PPL: variants seen among roughly 807,000 people sequenced by gnomAD.
PPL encodes 190 kDa paraneoplastic pemphigus antigen.
In PPL, 198 loss-of-function variants were observed where a neutral mutation model predicts 194.4. The observed-to-expected ratio is 1.02, with a 90% CI of 0.91 to 1.15. PPL has a LOEUF of 1.15. Among genes scored for constraint, PPL ranks in the 50% most tolerant of loss-of-function variants. The pLI, the probability that PPL is intolerant of heterozygous loss-of-function variation, is 0.00. For synonymous variants in PPL, 1,220 were observed against 972.4 expected (o/e 1.25, Z -4.74); for missense variants, 2,885 against 2,294.8 (o/e 1.26, Z -5.25).
At position 4,884,967 on chromosome 16, in the gene PPL, CTT is replaced by C; in HGVS notation, c.3686_3687del (p.Lys1229ArgfsTer4). ...LRRRGPQVEVKEVTKEVIKYK... is the reference protein window; with the variant it reads ...LRRRGPQVEVXEVTKEVIKYK... The stretch of plus-strand genomic sequence containing the variant: ...TACTTAATGACTTCCTTAGTCACCT[CTT>C]TGACTTCCACCTGGGGGCCTCGCCT... On this transcript the variant is annotated frameshift_variant, in exon 22 of 22. Coordinates refer to ENST00000345988, the MANE Select transcript of PPL (RefSeq NM_002705.5). LOFTEE classifies it high-confidence loss of function. The surrounding 1 kb of genome is among the most constrained non-coding windows in gnomAD (Gnocchi z 5.7). 1 of 1,614,158 alleles carries C rather than the reference CTT, an allele frequency of 6.2e-7. No homozygotes were observed. The highest frequency in any genetic ancestry group is 1.1e-5 in the South Asian group (1 of 91,088).
intron 1 of PPL, among the ~76,000 whole-genome samples, chr16:4,919,516 G>A (rs1945301818): frequency 6.6e-6 from 1 of 152,006 alleles, no homozygotes; most frequent in African/African-American, 2.4e-5. Context: ...CTCCCATCTC[G>A]GCCTCCCAAA....
Position 4,894,610 on chromosome 16 carries a change from G to T in PPL, c.1251C>A (p.Ile417=), listed in dbSNP as rs909512756. 1.2e-6 allele frequency: 2 copies of T among 1,613,158 alleles called. No homozygotes were observed. The highest frequency in any genetic ancestry group is 1.7e-6 in the Non-Finnish European group (2 of 1,179,852). The change falls in exon 12 of 22, where the codon ATC becomes ATA. Residue 417 remains isoleucine, a synonymous_variant. Transcript: ENST00000345988. The part of the protein sequence containing the change: ...LCDFEGEQGL[I]SRGYSYTLQK... Reference sequence around the variant, plus strand: ...GCAGGGTGTAGCTGTAGCCCCGCGAGATCAGGCCCTGGCGGGGGCAGGCTG... The same window carrying T: ...GCAGGGTGTAGCTGTAGCCCCGCGATATCAGGCCCTGGCGGGGGCAGGCTG...
At chr16:4,894,670 G>A in intron 11 of PPL, 52 bp from the exon 12 acceptor site, 1 of 1,586,356 alleles carries the variant, frequency 6.3e-7, no homozygotes. Context: ...TGAGGGCCTG[G>A]GAGCCCGGTT....
At position 4,883,463 on chromosome 16, in the gene PPL, G is replaced by A; in HGVS notation, c.5192C>T (p.Thr1731Ile). 1 of 1,614,152 alleles carries A rather than the reference G, an allele frequency of 6.2e-7. No homozygotes were observed. The highest frequency in any genetic ancestry group is 8.5e-7 in the Non-Finnish European group (1 of 1,180,030). The change falls in exon 22 of 22, where the codon ACC becomes ATC. Residue 1731 changes from threonine to isoleucine, a missense_variant. Transcript: ENST00000345988. This position sits in a 1 kb window ranked among gnomAD's most constrained non-coding sequence, Gnocchi z 4.8. ...IEEALQSGRL[T>I]PAQYDRYVNK... ...GACATAGCGGTCATACTGAGCAGGGGTCAGCCTGCCACTCTGCAGGGCCTC... is the reference window on the plus strand; with the variant it reads ...GACATAGCGGTCATACTGAGCAGGGATCAGCCTGCCACTCTGCAGGGCCTC...
At chr16:4,891,168 C>T (rs1336744870) in intron 16 of PPL, among the ~76,000 whole-genome samples, 1 of 152,216 alleles carries the variant, frequency 6.6e-6, no homozygotes, top group Non-Finnish European at 1.5e-5. Context: ...TCGTGCCCTG[C>T]GCGAGAACAG....
intron 6 of PPL, 125 bp from the exon 7 acceptor site, chr16:4,899,509 G>A (rs1035109946): frequency 7.7e-7 from 1 of 1,293,814 alleles, no homozygotes; most frequent in Non-Finnish European, 1.0e-6. Flanking sequence ...TGGGTGGCCT[G>A]AGGACAAGCC....
chr16:4,887,263 C>G (rs767955404), intron 20 of PPL, 36 bp from the exon 21 acceptor site: 1 of 1,453,018 alleles, frequency 6.9e-7, no homozygotes, highest in Non-Finnish European at 9.7e-7. Context: ...GGTCAACAAA[C>G]AGGTGTCAAC....
Position 4,894,422 on chromosome 16 carries a change from G to A in PPL, c.1394+45C>T, listed in dbSNP as rs913927781. 4.4e-6 allele frequency: 7 copies of A among 1,600,644 alleles called. No individual in the cohort carries two copies. The African/African-American group carries it at 8.0e-5, about 18-fold the overall frequency. ...CTATGAATGGGGCCTGAGAAGCCCT[G>A]GGGGTGGGACTGGTCCATGCAGACT... On this transcript the variant is annotated intron_variant, in intron 12 of 21. Coordinates refer to ENST00000345988, the MANE Select transcript of PPL (RefSeq NM_002705.5).
At chr16:4,922,683 A>G (rs572716155) in intron 1 of PPL, among the ~76,000 whole-genome samples, 2 of 151,888 alleles carry the variant, frequency 1.3e-5, no homozygotes, top group African/African-American at 2.4e-5. Flanking sequence ...AAACAAAAAA[A>G]CCCTAGAAAC....
intron 8 of PPL, among the ~76,000 whole-genome samples, chr16:4,898,565 A>G (rs1376627629): frequency 1.3e-5 from 2 of 152,260 alleles, no homozygotes; most frequent in East Asian, 3.9e-4. Flanking sequence ...AGACGGAGGA[A>G]GGGACTGGAA....
At position 4,902,421 on chromosome 16, in the gene PPL, C is replaced by T. The variant is rs1344684138; in HGVS notation, c.423G>A (p.Leu141=). The change falls in exon 4 of 22, where the codon CTG becomes CTA. Residue 141 remains leucine (L), a synonymous_variant. Transcript: ENST00000345988. The surrounding 1 kb of genome is among the most constrained non-coding windows in gnomAD (Gnocchi z 4.0). The stretch of plus-strand genomic sequence containing the variant: ...CAGGCCATACCAGCTTCTCCTCCAC[C>T]AGTGCCGCCCAGTTGACCTGTGGAT... ...EVDPQVNWAA[L]VEEKLDKLNN... is the part of the protein sequence containing the mutation. 6.2e-7 allele frequency: 1 copy of T among 1,613,978 alleles called. No homozygotes were observed. The highest frequency in any genetic ancestry group is 1.1e-5 in the South Asian group (1 of 91,000).
rs551957279 is a variant in PPL, at chr16:4,886,011, T to A, written c.2644A>T (p.Arg882Trp). The change falls in exon 22 of 22, where the codon AGG becomes TGG. Residue 882 changes from arginine to tryptophan, a missense_variant. Transcript: ENST00000345988. ...EVEVTHETLQ[R>W]NRPDSGVEEA... ...TCCACTCCAGAGTCCGGCCTATTCC[T>A]TTGCAGGGTCTCATGGGTCACTTCT... The A allele has an allele frequency of 4.3e-5, 69 of 1,613,964 alleles. No homozygotes were observed. The East Asian group carries it at 1.5e-3, about 35-fold the overall frequency.
chr16:4,922,827 G>C (rs1265905775), intron 1 of PPL, among the ~76,000 whole-genome samples: 2 of 152,194 alleles, frequency 1.3e-5, no homozygotes, highest in African/African-American at 2.4e-5. Context: ...TCTGCCCTGT[G>C]AATGTTGCCT....
Position 4,885,493 on chromosome 16 carries a change from C to T in PPL, c.3162G>A (p.Glu1054=). The part of the protein sequence containing the change: ...EKSRAQEKVT[E]KEVVKLQNDP... ...CATTCTGCAGTTTCACCACCTCTTT[C>T]TCTGTGACCTTCTCCTGCGCCCGGC... Residue 1054 remains glutamate, a synonymous_variant, in exon 22 of 22, where the codon GAG becomes GAA. Coordinates refer to ENST00000345988, the MANE Select transcript of PPL (RefSeq NM_002705.5). This position sits in a 1 kb window ranked among gnomAD's most constrained non-coding sequence, Gnocchi z 6.3. The T allele has an allele frequency of 6.2e-7, 1 of 1,612,196 alleles. No individual in the cohort carries two copies.
intron 1 of PPL, among the ~76,000 whole-genome samples, chr16:4,913,138 G>C (rs2088853332): frequency 6.6e-6 from 1 of 151,706 alleles, no homozygotes; most frequent in Non-Finnish European, 1.5e-5. Flanking sequence ...AAAAAGTCTT[G>C]AAAGCAGACT....
intron 6 of PPL, 60 bp downstream of exon 6, chr16:4,900,770 A>T: frequency 1.2e-6 from 2 of 1,607,520 alleles, no homozygotes; most frequent in Non-Finnish European, 1.7e-6. Flanking sequence ...TGTCCCCCCG[A>T]CTCCAAGCTT....
chr16:4,883,630 G>GT lies in PPL; in HGVS notation c.5024dup (p.His1675GlnfsTer7). The GT allele has an allele frequency of 6.2e-7, 1 of 1,614,184 alleles. No homozygotes were observed. Among genetic ancestry groups the GT allele is most frequent in the East Asian group, 2.2e-5 (1 of 44,882 alleles). On this transcript the variant is annotated frameshift_variant, in exon 22 of 22. Transcript: ENST00000345988. LOFTEE classifies it high-confidence loss of function. The surrounding 1 kb of genome is among the most constrained non-coding windows in gnomAD (Gnocchi z 4.8). Reference sequence around the variant, plus strand: ...TGTTCCAGTCAATGAGCCCGGCACGGTGGGCTTCCTCCGGGGACAGCTCGC... The same window carrying GT: ...TGTTCCAGTCAATGAGCCCGGCACGGTTGGGCTTCCTCCGGGGACAGCTCGC...
intron 1 of PPL, among the ~76,000 whole-genome samples, chr16:4,919,675 A>C (rs985143924): frequency 2.6e-5 from 4 of 152,198 alleles, no homozygotes; most frequent in African/African-American, 9.6e-5. Flanking sequence ...CACACCTGTA[A>C]TCCCACCACT....
At chr16:4,914,334 G>A (rs895640384) in intron 1 of PPL, among the ~76,000 whole-genome samples, 2 of 152,180 alleles carry the variant, frequency 1.3e-5, no homozygotes, top group African/African-American at 4.8e-5. Flanking sequence ...GGCCCAGGAA[G>A]CTGTATTATT....
Sources: gnomAD v4.1 joint callset for allele counts (sites outside exome capture counted in the v4.1 genomes callset) on GRCh38, gnomAD v4.1.1 for gene constraint, Gnocchi (gnomAD v3.1) non-coding constraint, MANE v1.5 for transcripts, NCBI Gene and HGNC (gene_info 2026-07-23, HGNC 2026-07-21) for gene names.